RNF123: variants seen among roughly 807,000 people sequenced by gnomAD.
RNF123 encodes the protein ring finger protein 123.
RNF123 carries 86 observed loss-of-function variants against 168.5 expected under a neutral mutation model. That is an observed-to-expected ratio of 0.51 (90% CI 0.43 to 0.61). The LOEUF (loss-of-function observed/expected upper bound fraction) is 0.61, where lower values mean the gene tolerates loss of function less well. Among genes scored for constraint, RNF123 ranks in the 20% least tolerant of loss-of-function variants. The probability of loss-of-function intolerance (pLI) is 0.00; values close to 1 mark genes in which losing one functional copy is unlikely to be tolerated. For missense variants in RNF123, 1,419 were observed against 1,729.7 expected, an observed-to-expected ratio of 0.82 and a Z score of 3.19; for synonymous variants, 666 against 689.1, an observed-to-expected ratio of 0.97 and a Z score of 0.52.
chr3:49,696,708 G>T (rs551031533), intron 3 of RNF123, among the ~76,000 whole-genome samples: 6 of 142,240 alleles, frequency 4.2e-5, no homozygotes, highest in Non-Finnish European at 9.0e-5. Flanking sequence ...ACAATGACAC[G>T]ATCTTGGCTT....
chr3:49,720,647 C>T lies in RNF123; in HGVS notation c.3637C>T (p.Gln1213Ter). 6.3e-7 allele frequency: 1 copy of T among 1,599,282 alleles called. No individual in the cohort carries two copies. The highest frequency in any genetic ancestry group is 1.3e-5 in the African/African-American group (1 of 74,800). ...PAPDRKRFSL[Q>*]SYADYISADE... ...CCCTGACCGGAAGCGCTTCTCCCTG[C>T]AGAGCTGTGAGTGGGCTGGTGGGGC... The change falls in exon 36 of 39, where the codon CAG (glutamine) becomes TAG (stop). Residue 1213 changes from glutamine (Q) to a stop codon, truncating the protein, a stop_gained. Coordinates refer to ENST00000327697, the MANE Select transcript of RNF123 (RefSeq NM_022064.5). LOFTEE classifies it high-confidence loss of function.
intron 3 of RNF123, among the ~76,000 whole-genome samples, chr3:49,695,292 G>A (rs2054247129): frequency 1.3e-5 from 2 of 151,916 alleles, no homozygotes; most frequent in Admixed American, 6.5e-5. Flanking sequence ...AAGAGACAGG[G>A]TCTTACTGTG....
In RNF123 at chr3:49,698,235, C is replaced by T. The variant is rs939882775; in HGVS notation, c.483+98C>T. 4 of 1,147,430 alleles carry T rather than the reference C, an allele frequency of 3.5e-6. No individual in the cohort carries two copies. The African/African-American group carries it at 4.6e-5, about 13-fold the overall frequency. 71.1% of individuals were successfully genotyped at this position (1,147,430 alleles called of 1,614,324 possible). The stretch of plus-strand genomic sequence containing the variant: ...CAGATCCCCTCAGAACTGCCTAGGA[C>T]CCTAACTAACCTGGACTGCCCTCTG... On this transcript the variant is annotated intron_variant, in intron 7 of 38. Transcript: ENST00000327697.
In RNF123 at chr3:49,714,157, A is replaced by G; in HGVS notation, c.2993A>G (p.Asn998Ser). Residue 998 changes from asparagine to serine, a missense_variant, in exon 31 of 39, where the codon AAT becomes AGT. Coordinates refer to ENST00000327697, the MANE Select transcript of RNF123 (RefSeq NM_022064.5). The stretch of plus-strand genomic sequence containing the variant: ...CTGAAAACCAAACTTGAGGACGCCA[A>G]TTTGCCCAGCCTCCAGAGTGAGTAT... ...HLLKTKLEDA[N>S]LPSLQKPCPS... The G allele has an allele frequency of 1.9e-6, 3 of 1,614,096 alleles. No homozygotes were observed. The highest frequency in any genetic ancestry group is 2.7e-5 in the African/African-American group (2 of 75,048).
chr3:49,715,654 C>CA lies in RNF123; in HGVS notation c.3092dup (p.Asn1031LysfsTer13). 6.2e-7 allele frequency: 1 copy of CA among 1,614,218 alleles called. No individual in the cohort carries two copies. The highest frequency in any genetic ancestry group is 8.5e-7 in the Non-Finnish European group (1 of 1,180,050). Reference sequence around the variant, plus strand: ...GTCCTGATGTGGCACCCAGCTTCCTCAACAGCGTCCTCAATCAGCTCAACT... The same window carrying CA: ...GTCCTGATGTGGCACCCAGCTTCCTCAAACAGCGTCCTCAATCAGCTCAACT... On this transcript the variant is annotated frameshift_variant, in exon 32 of 39. Transcript: ENST00000327697. LOFTEE classifies it high-confidence loss of function.
intron 1 of RNF123, among the ~76,000 whole-genome samples, chr3:49,690,779 AG>A (rs1165293844): frequency 6.6e-6 from 1 of 152,250 alleles, no homozygotes; most frequent in Non-Finnish European, 1.5e-5. Flanking sequence ...AGATGGATAC[AG>A]GGGCTCTGCC....
At chr3:49,696,280 C>T (rs1413330829) in intron 3 of RNF123, among the ~76,000 whole-genome samples, 3 of 152,120 alleles carry the variant, frequency 2.0e-5, no homozygotes, top group Non-Finnish European at 2.9e-5. Flanking sequence ...CTGGGCTCTT[C>T]ACAGCATCTC....
At chr3:49,702,176 C>G in intron 18 of RNF123, 32 bp downstream of exon 18, 1 of 1,611,390 alleles carries the variant, frequency 6.2e-7, no homozygotes, top group Non-Finnish European at 8.5e-7. Context: ...TGGGTGGGGC[C>G]CTGTGGGGAG....
At chr3:49,700,761 C>G (rs780624768) in intron 15 of RNF123, 52 bp downstream of exon 15, 1 of 1,578,714 alleles carries the variant, frequency 6.3e-7, no homozygotes, top group African/African-American at 1.3e-5. Context: ...CCTCTGGACT[C>G]AGCAGAGGCC....
rs376153434 is a variant in RNF123 at position 49,713,582 on chromosome 3, G to C, written c.2744G>C (p.Gly915Ala). ...AKHFADARIV[G>A]TDIRDSLMQA... ...CACTTTGCCGACGCACGCATTGTGGGCACTGGTGAGGGGCCCCTACAGAGG... is the reference window on the plus strand; with the variant it reads ...CACTTTGCCGACGCACGCATTGTGGCCACTGGTGAGGGGCCCCTACAGAGG... Residue 915 changes from glycine (G) to alanine (A), a missense_variant, in exon 28 of 39, where the codon GGC (glycine) becomes GCC (alanine). By Grantham distance (60) the Gly-to-Ala change is moderately conservative. Transcript: ENST00000327697. 1 of 1,611,980 alleles carries C rather than the reference G, an allele frequency of 6.2e-7. No individual in the cohort carries two copies. The highest frequency in any genetic ancestry group is 1.3e-5 in the African/African-American group (1 of 75,036).
Position 49,699,498 on chromosome 3 carries a change from G to T in RNF123, c.795G>T (p.Gln265His), listed in dbSNP as rs780534436. Residue 265 changes from glutamine to histidine, a missense_variant, in exon 11 of 39, where the codon CAG becomes CAT. Physicochemically the swap from Gln to His is conservative, Grantham distance 24. Around this residue, in one of 5 missense-constraint regions of RNF123, gnomAD observed 318 missense variants for 446.6 expected, o/e 0.71. Coordinates refer to ENST00000327697, the MANE Select transcript of RNF123 (RefSeq NM_022064.5). This position sits in a 1 kb window ranked among gnomAD's most constrained non-coding sequence, Gnocchi z 4.8. Reference protein sequence around the residue: ...RYPVAGYRPLQDPPSADLVRA... With the variant: ...RYPVAGYRPLHDPPSADLVRA... Reference sequence around the variant, plus strand: ...CAGTGGCAGGCTACCGGCCCCTGCAGGACCCACCGAGTGCTGACCTGGTGC... The same window carrying T: ...CAGTGGCAGGCTACCGGCCCCTGCATGACCCACCGAGTGCTGACCTGGTGC... 14 of 1,610,372 alleles carry T rather than the reference G, an allele frequency of 8.7e-6. No homozygotes were observed. Among genetic ancestry groups the T allele is most frequent in the Non-Finnish European group, 8.5e-6 (10 of 1,178,718 alleles).
At chr3:49,703,647 CCACCCACT>C in intron 21 of RNF123, 119 bp downstream of exon 21, 1 of 733,402 alleles carries the variant, frequency 1.4e-6, no homozygotes, top group South Asian at 1.9e-5. Flanking sequence ...CCAAGTCTTT[CCACCCACT>C]CAGGCAGGGA....
At chr3:49,700,747 G>T in intron 15 of RNF123, 38 bp downstream of exon 15, 1 of 1,605,814 alleles carries the variant, frequency 6.2e-7, no homozygotes, top group Non-Finnish European at 8.5e-7. Flanking sequence ...CAGACATGGG[G>T]TGCCCTCTGG....
At chr3:49,692,746 T>G (rs2054193217) in intron 3 of RNF123, among the ~76,000 whole-genome samples, 1 of 152,244 alleles carries the variant, frequency 6.6e-6, no homozygotes, top group South Asian at 2.1e-4. Context: ...TCTGCCTGGC[T>G]TATTTCATTT....
At chr3:49,718,451 T>C in intron 35 of RNF123, 2 of 1,612,942 alleles carry the variant, frequency 1.2e-6, no homozygotes, top group Non-Finnish European at 1.7e-6. Context: ...ACGTTGCCTA[T>C]GGCCAAGCTG....
chr3:49,700,830 G>T, intron 15 of RNF123, 121 bp downstream of exon 15: 1 of 1,014,126 alleles, frequency 9.9e-7, no homozygotes, highest in Non-Finnish European at 1.5e-6. Flanking sequence ...GACCAGAGCT[G>T]CCCAACGTGG....
intron 20 of RNF123, 121 bp downstream of exon 20, chr3:49,702,874 C>A: frequency 6.8e-7 from 1 of 1,470,970 alleles, no homozygotes; most frequent in Non-Finnish European, 9.3e-7. Flanking sequence ...TCCCCGGCAT[C>A]CTGCCTGGTT....
intron 38 of RNF123, 22 bp downstream of exon 38, chr3:49,721,127 G>C (rs746010368): frequency 4.3e-6 from 7 of 1,613,892 alleles, no homozygotes; most frequent in Non-Finnish European, 5.9e-6. Context: ...CCACAGCTTG[G>C]TGGTGGGGAG....
intron 31 of RNF123, 35 bp downstream of exon 31, chr3:49,714,209 C>A: frequency 1.3e-6 from 2 of 1,590,718 alleles, no homozygotes; most frequent in Non-Finnish European, 1.7e-6. Context: ...CTGGGCAAGG[C>A]AGGCGGGGGC....
Sources: allele counts gnomAD v4.1 joint callset (sites outside exome capture counted in the v4.1 genomes callset), GRCh38; gene constraint gnomAD v4.1.1; regional missense constraint gnomAD v4.1.1; non-coding constraint Gnocchi (gnomAD v3.1); transcripts MANE v1.5; gene names NCBI Gene and HGNC (gene_info 2026-07-23, HGNC 2026-07-21).